Variants in CLEC16A observed in about 807,000 individuals in gnomAD.
CLEC16A encodes protein CLEC16A.
Under a neutral mutation model 109.5 loss-of-function variants are expected in CLEC16A, and 51 were observed. The observed-to-expected ratio is 0.47, with a 90% CI of 0.37 to 0.59. The LOEUF is 0.59. CLEC16A is among the 20% of genes least tolerant of loss of function. The pLI, the probability that CLEC16A is intolerant of heterozygous loss-of-function variation, is 0.00. For synonymous variants in CLEC16A, 673 were observed against 564.2 expected (o/e 1.19, Z -2.73); for missense variants, 1,339 against 1,394.0 (o/e 0.96, Z 0.63).
At chr16:10,955,686 C>T (rs1000423009) in intron 1 of CLEC16A, among the ~76,000 whole-genome samples, 1 of 152,184 alleles carries the variant, frequency 6.6e-6, no homozygotes, top group South Asian at 2.1e-4. Context: ...CCTAAGCCAC[C>T]GTCTCCCATT....
intron 11 of CLEC16A, among the ~76,000 whole-genome samples, chr16:11,012,179 C>T (rs1384256785): frequency 1.3e-5 from 2 of 152,136 alleles, no homozygotes; most frequent in African/African-American, 4.8e-5. Context: ...GAGTTGATAT[C>T]AACAGGAGTT....
intron 7 of CLEC16A, among the ~76,000 whole-genome samples, chr16:10,975,094 G>C (rs1395957310): frequency 1.3e-5 from 2 of 152,234 alleles, no homozygotes; most frequent in Non-Finnish European, 2.9e-5. Flanking sequence ...TGTAATCCCA[G>C]CACTTTGGGA....
intron 11 of CLEC16A, among the ~76,000 whole-genome samples, chr16:11,010,446 A>T (rs1306526205): frequency 6.6e-6 from 1 of 152,198 alleles, no homozygotes; most frequent in African/African-American, 2.4e-5. Flanking sequence ...TCAAATTTAC[A>T]AAAGGTGCAA....
At chr16:10,949,169 C>G (rs1303165987) in intron 1 of CLEC16A, among the ~76,000 whole-genome samples, 2 of 152,212 alleles carry the variant, frequency 1.3e-5, no homozygotes, top group Non-Finnish European at 2.9e-5. Flanking sequence ...TAGACAGACG[C>G]ACACCTACTC....
chr16:11,135,816 G>T (rs953810341), intron 22 of CLEC16A, among the ~76,000 whole-genome samples: 1 of 152,272 alleles, frequency 6.6e-6, no homozygotes, highest in African/African-American at 2.4e-5. Context: ...GTCAGTGGCA[G>T]AGCGGGTGGC....
intron 22 of CLEC16A, chr16:11,156,566 C>A: frequency 7.7e-7 from 1 of 1,302,870 alleles, no homozygotes; most frequent in South Asian, 1.2e-5. Flanking sequence ...CTCCTGCTGC[C>A]GTTTCAGCCC....
chr16:10,952,161 A>G (rs1294331455), intron 1 of CLEC16A, among the ~76,000 whole-genome samples: 1 of 152,220 alleles, frequency 6.6e-6, no homozygotes, highest in African/African-American at 2.4e-5. Context: ...AAAGTTTCCT[A>G]CTTCTCTAAA....
At chr16:11,132,536 G>C (rs1032191410) in intron 22 of CLEC16A, among the ~76,000 whole-genome samples, 10 of 152,142 alleles carry the variant, frequency 6.6e-5, no homozygotes, top group African/African-American at 2.4e-4. Flanking sequence ...ACAAGCTTTT[G>C]TTTGAACGCC....
At chr16:11,088,605 G>T (rs974336038) in intron 19 of CLEC16A, among the ~76,000 whole-genome samples, 1 of 152,224 alleles carries the variant, frequency 6.6e-6, no homozygotes, top group African/African-American at 2.4e-5. Context: ...GGCAGGAAGT[G>T]CACCAGGCCC....
chr16:10,944,632 C>G lies in CLEC16A; in HGVS notation c.-86C>G. 1.5e-6 allele frequency: 2 copies of G among 1,327,804 alleles called. No homozygotes were observed. The highest frequency in any genetic ancestry group is 2.6e-5 in the South Asian group (2 of 76,248). The allele number at this position is 1,327,804 out of a possible 1,614,324, so 82.3% of individuals were successfully genotyped here. On this transcript the variant is annotated 5_prime_UTR_variant, in exon 1 of 24. Transcript: ENST00000409790. ...TCCACCGCCTCCGCCGCCGCATCCT[C>G]CGCTTGTGCTACCGCCGCGGGCGCT...
intron 12 of CLEC16A, chr16:11,024,474 C>G (rs749311692): frequency 1.8e-5 from 4 of 225,848 alleles, no homozygotes; most frequent in Non-Finnish European, 3.6e-5. Flanking sequence ...ACACACATCA[C>G]TTTGCATTGA....
rs74163615 is a variant in CLEC16A at position 11,042,217 on chromosome 16, C to T, written c.1661-37C>T. On this transcript the variant is annotated intron_variant, in intron 14 of 23. Coordinates refer to ENST00000409790, the MANE Select transcript of CLEC16A (RefSeq NM_015226.3). ...AGTCTTGGGTTTAAGGGCGCCCCAC[C>T]CTGGGTGTGCAAGGCTTACCCTGGT... 1.3e-3 allele frequency: 1,993 copies of T among 1,508,072 alleles called. 2 individuals carry two copies. Among genetic ancestry groups the T allele is most frequent in the Non-Finnish European group, 1.7e-3 (1,843 of 1,108,108 alleles). 93.4% of individuals were successfully genotyped at this position (1,508,072 alleles called of 1,614,324 possible). A position where few individuals can be genotyped will look rare whatever the true frequency, so the allele number is the denominator to read the frequency against.
At position 11,027,183 on chromosome 16, in the gene CLEC16A, T is replaced by G. The variant is rs1441682078; in HGVS notation, c.1537+2262T>G. 2.9e-6 allele frequency: 4 copies of G among 1,390,424 alleles called. No individual in the cohort carries two copies. In the East Asian group the frequency reaches 9.1e-5, roughly 32 times the overall value. 86.1% of individuals were successfully genotyped at this position (1,390,424 alleles called of 1,614,324 possible). A position where few individuals can be genotyped will look rare whatever the true frequency, so the allele number is the denominator to read the frequency against. ...AGGGCTCAGGTTTAAGCTACTGGAATCATTCCTACATGATTACTGGCAGCA... is the reference window on the plus strand; with the variant it reads ...AGGGCTCAGGTTTAAGCTACTGGAAGCATTCCTACATGATTACTGGCAGCA... On this transcript the variant is annotated intron_variant, in intron 13 of 23. Transcript: ENST00000409790.
At chr16:11,170,601 C>T (rs994176676) in intron 23 of CLEC16A, among the ~76,000 whole-genome samples, 2 of 152,218 alleles carry the variant, frequency 1.3e-5, no homozygotes, top group Non-Finnish European at 2.9e-5. Flanking sequence ...GATCTCTCCA[C>T]CCGCCCGGCC....
At chr16:11,025,482 G>A (rs1406078332) in intron 13 of CLEC16A, among the ~76,000 whole-genome samples, 1 of 152,116 alleles carries the variant, frequency 6.6e-6, no homozygotes, top group East Asian at 1.9e-4. Flanking sequence ...TTCATTCACC[G>A]CCTTGCTGCC....
chr16:10,962,696 C>G, intron 3 of CLEC16A, 108 bp downstream of exon 3: 1 of 1,182,114 alleles, frequency 8.5e-7, no homozygotes, highest in Non-Finnish European at 1.2e-6. Flanking sequence ...TCAGGCTATC[C>G]TAACAAAATA....
intron 11 of CLEC16A, among the ~76,000 whole-genome samples, chr16:11,014,583 C>T (rs551237133): frequency 9.9e-5 from 15 of 152,280 alleles, no homozygotes; most frequent in South Asian, 4.2e-4. Context: ...AACACAGAGA[C>T]GTGACAGAAA....
intron 13 of CLEC16A, among the ~76,000 whole-genome samples, chr16:11,036,247 G>A (rs1243559646): frequency 6.6e-6 from 1 of 152,012 alleles, no homozygotes; most frequent in Non-Finnish European, 1.5e-5. Context: ...CAGGATCCTG[G>A]CACGAAGCCT....
intron 19 of CLEC16A, among the ~76,000 whole-genome samples, chr16:11,104,817 G>A (rs563767768): frequency 6.6e-6 from 1 of 152,278 alleles, no homozygotes; most frequent in South Asian, 2.1e-4. Flanking sequence ...CCCAGTACCC[G>A]ACACACAGTA....
Sources: allele counts gnomAD v4.1 joint callset (sites outside exome capture counted in the v4.1 genomes callset), GRCh38; gene constraint gnomAD v4.1.1; transcripts MANE v1.5; gene names NCBI Gene and HGNC (gene_info 2026-07-23, HGNC 2026-07-21).